The following CEBPZ variants were observed in gnomAD, a reference collection of about 807,000 sequenced individuals.
CEBPZ encodes the protein CCAAT enhancer binding protein zeta.
Under a neutral mutation model 104.5 loss-of-function variants are expected in CEBPZ, and 78 were observed. That is an observed-to-expected ratio of 0.75 (90% CI 0.62 to 0.90). The LOEUF is 0.90. Ranked by LOEUF, CEBPZ falls within the 40% of genes least tolerant of loss-of-function variation. The pLI is 0.00. For synonymous variants in CEBPZ, 470 were observed against 427.0 expected (o/e 1.10, Z -1.24); for missense variants, 1,439 against 1,233.5 (o/e 1.17, Z -2.50).
At position 37,228,116 on chromosome 2, in the gene CEBPZ, T is replaced by C. The variant is rs181952624; in HGVS notation, c.1077A>G (p.Val359=). 33 of 1,614,214 alleles carry C rather than the reference T, an allele frequency of 2.0e-5. No homozygotes were observed. The East Asian group carries it at 7.4e-4, about 36-fold the overall frequency. Residue 359 remains valine (V), a synonymous_variant, in exon 2 of 16, where the codon GTA becomes GTG. Coordinates refer to ENST00000234170, the MANE Select transcript of CEBPZ (RefSeq NM_005760.3). Reference sequence around the variant, plus strand: ...CGGTAAGGGCTCGAGTTTTAGTGGTTACTAATGTATCATGACTTAAAGTTT... The same window carrying C: ...CGGTAAGGGCTCGAGTTTTAGTGGTCACTAATGTATCATGACTTAAAGTTT... ...VLETLSHDTL[V]TTKTRALTVA...
At chr2:37,217,060 T>A (rs1664614723) in intron 5 of CEBPZ, 23 bp from the exon 6 acceptor site, 3 of 1,593,692 alleles carry the variant, frequency 1.9e-6, no homozygotes, top group African/African-American at 2.7e-5. Context: ...ATGTGAATAA[T>A]ATCAATATTT....
At chr2:37,225,147 A>C (rs965899070) in intron 2 of CEBPZ, among the ~76,000 whole-genome samples, 1 of 152,160 alleles carries the variant, frequency 6.6e-6, no homozygotes. Flanking sequence ...AACAGTGTTA[A>C]GTTATCTATT....
chr2:37,220,328 A>AAATAT (rs1553351236), intron 5 of CEBPZ, 57 bp downstream of exon 5: 1 of 501,512 alleles, frequency 2.0e-6, no homozygotes, highest in Non-Finnish European at 3.1e-6. Context: ...AAAAAAAAAA[A>AAATAT]ATATATATAT....
At chr2:37,203,875 T>C (rs969981686) in intron 13 of CEBPZ, 4 of 152,202 alleles carry the variant, frequency 2.6e-5, no homozygotes, top group Non-Finnish European at 5.9e-5. Flanking sequence ...TAGTACTCCA[T>C]GCCATGTTGT....
At position 37,212,012 on chromosome 2, in the gene CEBPZ, A is replaced by G; in HGVS notation, c.2631T>C (p.Ala877=). ...AGNVKKRTKG[A]KDNTLDEDSE... Reference sequence around the variant, plus strand: ...AATCTTCATCTAATGTGTTATCCTTAGCTCCTTTTGTTCTCTTTTTCACGT... The same window carrying G: ...AATCTTCATCTAATGTGTTATCCTTGGCTCCTTTTGTTCTCTTTTTCACGT... Residue 877 remains alanine, a synonymous_variant, in exon 12 of 16, where the codon GCT becomes GCC. Coordinates refer to ENST00000234170, the MANE Select transcript of CEBPZ (RefSeq NM_005760.3). 1 of 1,592,190 alleles carries G rather than the reference A, an allele frequency of 6.3e-7. No homozygotes were observed. The highest frequency in any genetic ancestry group is 8.5e-7 in the Non-Finnish European group (1 of 1,174,250).
At chr2:37,203,232 T>C (rs1677367346) in intron 13 of CEBPZ, 1 of 318,228 alleles carries the variant, frequency 3.1e-6, no homozygotes, top group Admixed American at 4.9e-5. Flanking sequence ...ATGACAAGAG[T>C]GTCTTCTTGC....
chr2:37,216,929 TC>T, intron 6 of CEBPZ, 54 bp downstream of exon 6: 7 of 1,384,968 alleles, frequency 5.1e-6, no homozygotes, highest in Non-Finnish European at 7.2e-6. Context: ...TTATTGATTA[TC>T]TAAAATGATA....
In CEBPZ at chr2:37,210,657, T is replaced by C. The variant is rs115541854; in HGVS notation, c.2884+342A>G. On this transcript the variant is annotated intron_variant, in intron 13 of 15. Coordinates refer to ENST00000234170, the MANE Select transcript of CEBPZ (RefSeq NM_005760.3). Reference sequence around the variant, plus strand: ...AGGCAGTGGGGGATAAGAGTACACATTGGGTGCAGTGTACTGCTTGAGTGA... The same window carrying C: ...AGGCAGTGGGGGATAAGAGTACACACTGGGTGCAGTGTACTGCTTGAGTGA... 667 of 180,876 alleles carry C rather than the reference T, an allele frequency of 3.7e-3. 7 individuals carry two copies. Among genetic ancestry groups the C allele is most frequent in the African/African-American group, 0.015 (635 of 42,214 alleles). 11.2% of individuals were successfully genotyped at this position (180,876 alleles called of 1,614,324 possible). A position where few individuals can be genotyped will look rare whatever the true frequency, so the allele number is the denominator to read the frequency against.
intron 8 of CEBPZ, among the ~76,000 whole-genome samples, chr2:37,215,820 T>A (rs1173032859): frequency 6.6e-6 from 1 of 152,060 alleles, no homozygotes. Flanking sequence ...ATTATATACA[T>A]AGGGGTTGTG....
At chr2:37,211,812 C>T in intron 12 of CEBPZ, 31 bp downstream of exon 12, 2 of 1,467,920 alleles carry the variant, frequency 1.4e-6, no homozygotes, top group South Asian at 1.3e-5. Flanking sequence ...GAGGAAGACA[C>T]AGTTTATGTC....
In CEBPZ at chr2:37,213,879, ATTC is replaced by A; in HGVS notation, c.2527_2529del (p.Glu843del). ...AACAAATTACCAATCAGCTCTTCAA[ATTC>A]TTCATCATCCACGTCTTCTATACTT... is the stretch of plus-strand genomic sequence containing the variant. On this transcript the variant is annotated inframe_deletion, in exon 10 of 16. Transcript: ENST00000234170. The A allele has an allele frequency of 3.7e-6, 6 of 1,607,252 alleles. No individual in the cohort carries two copies. Among genetic ancestry groups the A allele is most frequent in the Non-Finnish European group, 5.1e-6 (6 of 1,176,660 alleles).
chr2:37,220,624 G>C, intron 4 of CEBPZ, 151 bp from the exon 5 acceptor site: 1 of 446,074 alleles, frequency 2.2e-6, no homozygotes, highest in Non-Finnish European at 4.1e-6. Flanking sequence ...GCTCCCTCAA[G>C]AATTTGTCTT....
At chr2:37,216,531 T>C (rs755743367) in intron 6 of CEBPZ, 113 bp from the exon 7 acceptor site, 11 of 733,584 alleles carry the variant, frequency 1.5e-5, no homozygotes, top group Non-Finnish European at 2.5e-5. Context: ...GATACAAATA[T>C]GCAATAAATG....
rs1442603350 is a variant in CEBPZ at position 37,220,462 on chromosome 2, A to C, written c.2077T>G (p.Leu693Val). 1.9e-6 allele frequency: 3 copies of C among 1,581,232 alleles called. No individual in the cohort carries two copies. The highest frequency in any genetic ancestry group is 2.2e-5 in the East Asian group (1 of 44,512). ...CTACTGAATGGATCGTATTTATTTA[A>C]CTGTTTCCCACCTAGGAATAACAAA... ...HFDNLKGGKQLNKYDPFSRNP... is the reference protein window; with the variant it reads ...HFDNLKGGKQVNKYDPFSRNP... The change falls in exon 5 of 16, where the codon TTA (leucine) becomes GTA (valine). Residue 693 changes from leucine (L) to valine (V), a missense_variant. Leu to Val is a conservative substitution (Grantham distance 32). Transcript: ENST00000234170.
chr2:37,227,899 T>G lies in CEBPZ; in HGVS notation c.1294A>C (p.Asn432His), dbSNP rs771042766. 6.2e-7 allele frequency: 1 copy of G among 1,614,202 alleles called. No homozygotes were observed. The highest frequency in any genetic ancestry group is 8.5e-7 in the Non-Finnish European group (1 of 1,180,034). ...GEVERLLFRS[N>H]ISSKAQYYAI... ...TAATATTGAGCTTTGGAGCTGATAT[T>G]TGAGCGGAAGAGTAGCCTTTCTACT... Residue 432 changes from asparagine to histidine, a missense_variant, in exon 2 of 16, where the codon AAT becomes CAT. Transcript: ENST00000234170.
intron 6 of CEBPZ, 43 bp from the exon 7 acceptor site, chr2:37,216,461 G>A (rs760533960): frequency 3.7e-6 from 5 of 1,354,000 alleles, no homozygotes; most frequent in Non-Finnish European, 4.2e-6. Flanking sequence ...TTCAAATTAT[G>A]TCTATGAATC....
intron 1 of CEBPZ, among the ~76,000 whole-genome samples, 174 bp from the exon 2 acceptor site, chr2:37,229,210 CTCTT>C (rs1207299807): frequency 6.6e-6 from 1 of 151,624 alleles, no homozygotes; most frequent in Non-Finnish European, 1.5e-5. Flanking sequence ...CTCTTTCTCT[CTCTT>C]TCTTTTACAC....
At chr2:37,215,578 A>T (rs1677848062) in intron 8 of CEBPZ, 1 of 152,576 alleles carries the variant, frequency 6.6e-6, no homozygotes, top group South Asian at 2.1e-4. Context: ...TAAATGATCT[A>T]TAAGGTCTAA....
At chr2:37,216,602 T>C (rs1021143712) in intron 6 of CEBPZ, among the ~76,000 whole-genome samples, 184 bp from the exon 7 acceptor site, 1 of 152,220 alleles carries the variant, frequency 6.6e-6, no homozygotes, top group Admixed American at 6.5e-5. Flanking sequence ...CAGATACATA[T>C]ACATACATAT....
Sources: allele counts gnomAD v4.1 joint callset (sites outside exome capture counted in the v4.1 genomes callset), GRCh38; gene constraint gnomAD v4.1.1; transcripts MANE v1.5; gene names NCBI Gene and HGNC (gene_info 2026-07-23, HGNC 2026-07-21).